The following EWSR1 variants were observed in gnomAD, a reference collection of about 807,000 sequenced individuals.
EWSR1 encodes the protein EWS RNA binding protein 1.
Under a neutral mutation model 92.1 loss-of-function variants are expected in EWSR1, and 14 were observed. The ratio of observed to expected loss-of-function variants is 0.15; its 90% CI spans 0.10 to 0.24. EWSR1 has a LOEUF of 0.24. Among genes scored for constraint, EWSR1 ranks in the 10% least tolerant of loss-of-function variants. The pLI is 1.00. For synonymous variants in EWSR1, 303 were observed against 292.9 expected (o/e 1.03, Z -0.35); for missense variants, 637 against 870.9 (o/e 0.73, Z 3.38).
chr22:29,287,284 C>T (rs749642893), intron 7 of EWSR1, 150 bp downstream of exon 7: 2 of 752,658 alleles, frequency 2.7e-6, no homozygotes, highest in Non-Finnish European at 4.4e-6. Flanking sequence ...TCTCAGCTCA[C>T]TGCAGCCTCC....
chr22:29,296,154 G>A, intron 11 of EWSR1, 85 bp from the exon 12 acceptor site: 2 of 1,369,338 alleles, frequency 1.5e-6, no homozygotes, highest in East Asian at 2.4e-5. Flanking sequence ...GTGAGAAATT[G>A]GTACTTTTCC....
At chr22:29,268,422 C>T in intron 1 of EWSR1, 73 bp downstream of exon 1, 2 of 1,613,086 alleles carry the variant, frequency 1.2e-6, no homozygotes, top group Admixed American at 1.7e-5. Context: ...CGTCTCTGGG[C>T]TTGGCTGGGA....
rs368813757 is a variant in EWSR1 at position 29,272,203 on chromosome 22, T to G, written c.14-13T>G. ...CTAACTTTACACTATTTTTCCTCCT[T>G]GTTTTCCTCTAGATTACAGTACCTA... is the stretch of plus-strand genomic sequence containing the variant. On this transcript the variant is annotated splice_polypyrimidine_tract_variant and intron_variant, in intron 1 of 16. Transcript: ENST00000397938. 1.2e-6 allele frequency: 2 copies of G among 1,613,224 alleles called. No homozygotes were observed. Among genetic ancestry groups the G allele is most frequent in the Non-Finnish European group, 1.7e-6 (2 of 1,179,318 alleles).
At chr22:29,292,375 C>T (rs1008526224) in intron 10 of EWSR1, 113 bp from the exon 11 acceptor site, 127 of 938,542 alleles carry the variant, frequency 1.4e-4, no homozygotes, top group Non-Finnish European at 2.0e-4. Context: ...TCTTAGTATG[C>T]TTGGTAGTTT....
intron 8 of EWSR1, chr22:29,290,758 T>G: frequency 9.1e-7 from 1 of 1,094,838 alleles, no homozygotes; most frequent in Non-Finnish European, 1.2e-6. Context: ...AATTGTATAT[T>G]CAGGTATTAA....
chr22:29,299,719 G>C lies in EWSR1; in HGVS notation c.1799G>C (p.Arg600Pro), dbSNP rs914521107. 1.2e-6 allele frequency: 2 copies of C among 1,612,474 alleles called. No individual in the cohort carries two copies. The highest frequency in any genetic ancestry group is 2.7e-5 in the African/African-American group (2 of 74,888). Residue 600 changes from arginine (R) to proline (P), a missense_variant, in exon 16 of 17, where the codon CGT (arginine) becomes CCT (proline). Physicochemically the swap from Arg to Pro is moderately radical, Grantham distance 103. Coordinates refer to ENST00000397938, the MANE Select transcript of EWSR1 (RefSeq NM_005243.4). ...GGRGGDRGGF[R>P]GGRGMDRGGF... is the part of the protein sequence containing the mutation. ...CGTGGTGGAGACAGAGGTGGCTTCC[G>C]TGGTGGCCGGGGCATGGACCGAGGT... is the stretch of plus-strand genomic sequence containing the variant.
At chr22:29,275,893 T>C (rs2059071786) in intron 4 of EWSR1, 2 of 230,272 alleles carry the variant, frequency 8.7e-6, no homozygotes, top group Non-Finnish European at 1.7e-5. Flanking sequence ...AGTAGGTGTG[T>C]TTTCTTTTTT....
intron 4 of EWSR1, chr22:29,274,382 A>T (rs2058938806): frequency 1.5e-6 from 2 of 1,324,052 alleles, no homozygotes; most frequent in African/African-American, 1.4e-5. Flanking sequence ...GAACCCCCAA[A>T]CTTTCTAACA....
chr22:29,277,784 C>G (rs2059236379), intron 4 of EWSR1: 2 of 460,312 alleles, frequency 4.3e-6, no homozygotes, highest in South Asian at 3.4e-5. Context: ...TGTAGCATGA[C>G]ATGCCATTTC....
chr22:29,282,594 C>G (rs1213496593), intron 6 of EWSR1, 37 bp downstream of exon 6: 2 of 1,484,658 alleles, frequency 1.3e-6, no homozygotes, highest in African/African-American at 2.9e-5. Context: ...AAAACAGTGA[C>G]AAAACAGTTT....
intron 6 of EWSR1, 38 bp from the exon 7 acceptor site, chr22:29,286,884 TA>T: frequency 6.4e-7 from 1 of 1,555,350 alleles, no homozygotes; most frequent in Non-Finnish European, 8.8e-7. Flanking sequence ...AGCCTCTTTC[TA>T]AAAAAGCTTT....
Position 29,288,798 on chromosome 22 carries a change from C to G in EWSR1, c.974+12C>G, listed in dbSNP as rs1170793179. ...CGCGGTGGAATGGGGTAAGAGCAAA[C>G]CTTTTCTCCTTTTACCTAATTTTGT... On this transcript the variant is annotated intron_variant, in intron 8 of 16. Transcript: ENST00000397938. 1 of 1,568,986 alleles carries G rather than the reference C, an allele frequency of 6.4e-7. No individual in the cohort carries two copies. The highest frequency in any genetic ancestry group is 8.6e-7 in the Non-Finnish European group (1 of 1,156,760).
chr22:29,298,657 T>C, intron 13 of EWSR1, 76 bp from the exon 14 acceptor site: 8 of 1,556,578 alleles, frequency 5.1e-6, no homozygotes, highest in Non-Finnish European at 7.1e-6. Flanking sequence ...TGGGTTTACT[T>C]AGTGATTTTT....
chr22:29,268,813 C>A (rs993652945), intron 1 of EWSR1, among the ~76,000 whole-genome samples: 1 of 152,240 alleles, frequency 6.6e-6, no homozygotes, highest in East Asian at 1.9e-4. Flanking sequence ...GGGGAAAAAG[C>A]AAATAAAGAT....
At position 29,274,186 on chromosome 22, in the gene EWSR1, C is replaced by T. The variant is rs1220609492; in HGVS notation, c.226+322C>T. On this transcript the variant is annotated intron_variant, in intron 4 of 16. Coordinates refer to ENST00000397938, the MANE Select transcript of EWSR1 (RefSeq NM_005243.4). The stretch of plus-strand genomic sequence containing the variant: ...GAATGAGTCTTCTTAAATTGAGCTG[C>T]TTAAAAATCAAACTGGTTTTCACAT... 45 of 1,489,716 alleles carry T rather than the reference C, an allele frequency of 3.0e-5. 1 individual carries two copies. In the Admixed American group the frequency reaches 3.4e-4, roughly 11 times the overall value. The allele number at this position is 1,489,716 out of a possible 1,614,324, so 92.3% of individuals were successfully genotyped here. A position where few individuals can be genotyped will look rare whatever the true frequency, so the allele number is the denominator to read the frequency against.
chr22:29,280,254 G>T (rs920254923), intron 5 of EWSR1, among the ~76,000 whole-genome samples: 4 of 152,142 alleles, frequency 2.6e-5, no homozygotes, highest in African/African-American at 9.7e-5. Flanking sequence ...TTTTAGTAGA[G>T]GCAAGGTTTC....
At chr22:29,297,531 A>C (rs1447617179) in intron 12 of EWSR1, among the ~76,000 whole-genome samples, 1 of 152,150 alleles carries the variant, frequency 6.6e-6, no homozygotes, top group African/African-American at 2.4e-5. Flanking sequence ...GCCTCTACAA[A>C]CAATTTTGTA....
Position 29,296,242 on chromosome 22 carries a change from A to T in EWSR1, c.1168A>T (p.Asn390Tyr), listed in dbSNP as rs759560086. Reference sequence around the variant, plus strand: ...AACTATGCTATTCTTTGTCTAGATGAACAAGAGAACTGGGCAACCCATGAT... The same window carrying T: ...AACTATGCTATTCTTTGTCTAGATGTACAAGAGAACTGGGCAACCCATGAT... Reference protein sequence around the residue: ...FFKQCGVVKMNKRTGQPMIHI... With the variant: ...FFKQCGVVKMYKRTGQPMIHI... Residue 390 changes from asparagine (N) to tyrosine (Y), a missense_variant, in exon 12 of 17, where the codon AAC (asparagine) becomes TAC (tyrosine). Physicochemically the swap from Asn to Tyr is moderately radical, Grantham distance 143. This residue lies in a region of EWSR1 where 363 missense variants were observed against 447.8 expected (regional missense o/e 0.81). Coordinates refer to ENST00000397938, the MANE Select transcript of EWSR1 (RefSeq NM_005243.4). The T allele has an allele frequency of 6.2e-7, 1 of 1,613,992 alleles. No homozygotes were observed. The highest frequency in any genetic ancestry group is 1.1e-5 in the South Asian group (1 of 91,046).
intron 5 of EWSR1, 79 bp downstream of exon 5, chr22:29,278,295 T>C: frequency 7.1e-7 from 1 of 1,402,168 alleles, no homozygotes; most frequent in Non-Finnish European, 9.7e-7. Flanking sequence ...AAATAATCTG[T>C]GGTTTAGTTC....
Sources: allele counts gnomAD v4.1 joint callset (sites outside exome capture counted in the v4.1 genomes callset), GRCh38; gene constraint gnomAD v4.1.1; regional missense constraint gnomAD v4.1.1; transcripts MANE v1.5; gene names NCBI Gene and HGNC (gene_info 2026-07-23, HGNC 2026-07-21).